AGAP9: variants seen among roughly 807,000 people sequenced by gnomAD.
AGAP9 encodes the protein ArfGAP with GTPase domain, ankyrin repeat and PH domain 9, also known as arf-GAP with GTPase, ANK repeat and PH domain-containing protein 9.
AGAP9 carries 23 observed loss-of-function variants against 55.6 expected under a neutral mutation model. The observed-to-expected ratio is 0.41, with a 90% CI of 0.30 to 0.59. The LOEUF (loss-of-function observed/expected upper bound fraction) is 0.59, where lower values mean the gene tolerates loss of function less well. Ranked by LOEUF, AGAP9 falls within the 20% of genes least tolerant of loss-of-function variation. The pLI, the probability that AGAP9 is intolerant of heterozygous loss-of-function variation, is 0.25. For synonymous variants in AGAP9, 120 were observed against 305.0 expected, an observed-to-expected ratio of 0.39 and a Z score of 6.32; for missense variants, 309 against 808.1, an observed-to-expected ratio of 0.38 and a Z score of 7.49.
Position 47,502,486 on chromosome 10 carries a change from C to A in AGAP9, c.1643G>T (p.Ser548Ile), listed in dbSNP as rs1840373020. Residue 548 changes from serine to isoleucine, a missense_variant, in exon 8 of 8, where the codon AGC becomes ATC. Ser to Ile is a moderately radical substitution (Grantham distance 142). Transcript: ENST00000452145. ...ELANSIWEGS[S>I]QGQTKPSIKS... ...TATTGAGGGTTTTGTCTGCCCCTGG[C>A]TGCTCCCTTCCCAGATGCTGTTGGC... The A allele has an allele frequency of 2.5e-6, 4 of 1,613,122 alleles. No individual in the cohort carries two copies. The highest frequency in any genetic ancestry group is 3.4e-6 in the Non-Finnish European group (4 of 1,179,964).
Position 47,507,637 on chromosome 10 carries a change from C to G in AGAP9, c.498-54G>C. ...TAGATGTTATCATTTGTTAGGCCTGCAGACATTTTTTAAAAGGGGGGCAGA... is the reference window on the plus strand; with the variant it reads ...TAGATGTTATCATTTGTTAGGCCTGGAGACATTTTTTAAAAGGGGGGCAGA... On this transcript the variant is annotated intron_variant, in intron 5 of 7. Transcript: ENST00000452145. 3 of 1,526,394 alleles carry G rather than the reference C, an allele frequency of 2.0e-6. 1 individual carries two copies. Among genetic ancestry groups the G allele is most frequent in the Non-Finnish European group, 2.6e-6 (3 of 1,139,862 alleles). The allele number at this position is 1,526,394 out of a possible 1,614,324, so 94.6% of individuals were successfully genotyped here. A position where few individuals can be genotyped will look rare whatever the true frequency, so the allele number is the denominator to read the frequency against.
At chr10:47,522,093 G>C (rs1261327345) in intron 2 of AGAP9, among the ~76,000 whole-genome samples, 1 of 149,428 alleles carries the variant, frequency 6.7e-6, no homozygotes, top group Non-Finnish European at 1.5e-5. Context: ...AGCCAAAACT[G>C]TAACTTTCTT....
intron 6 of AGAP9, among the ~76,000 whole-genome samples, chr10:47,506,552 A>G (rs1173496175): frequency 7.1e-6 from 1 of 140,672 alleles, no homozygotes; most frequent in Non-Finnish European, 1.5e-5. Flanking sequence ...CTGGTCTCAA[A>G]CTCCTGACCT....
chr10:47,506,325 T>C (rs1333670428), intron 6 of AGAP9, among the ~76,000 whole-genome samples: 1 of 137,290 alleles, frequency 7.3e-6, no homozygotes, highest in Non-Finnish European at 1.6e-5. Flanking sequence ...TAGGTCATCT[T>C]ATTGCTTCTT....
In AGAP9 at chr10:47,516,765, G is replaced by T. The variant is rs1217999509; in HGVS notation, c.396+1058C>A. Among the ~76,000 whole-genome samples, 4 of 131,162 alleles carry T rather than the reference G, an allele frequency of 3.0e-5. 1 individual carries two copies. Among genetic ancestry groups the T allele is most frequent in the Non-Finnish European group, 6.2e-5 (4 of 64,940 alleles). 86.0% of individuals were successfully genotyped at this position (131,162 alleles called of 152,430 possible). On this transcript the variant is annotated intron_variant, in intron 4 of 7. Transcript: ENST00000452145. ...TGCAGATGGAAAATATCTTTGAAAG[G>T]CATGTGATAAATGCTACAATACTTG...
At chr10:47,509,192 C>A (rs1840546969) in intron 5 of AGAP9, among the ~76,000 whole-genome samples, 1 of 128,072 alleles carries the variant, frequency 7.8e-6, no homozygotes, top group Non-Finnish European at 1.6e-5. Context: ...GCTAACTTAT[C>A]AAAATCTTTG....
Sources: allele counts gnomAD v4.1 joint callset (sites outside exome capture counted in the v4.1 genomes callset), GRCh38; gene constraint gnomAD v4.1.1; transcripts MANE v1.5; gene names NCBI Gene and HGNC (gene_info 2026-07-23, HGNC 2026-07-21).